Variants in GTF2A1L observed in about 807,000 individuals in gnomAD.
GTF2A1L encodes the protein TFIIA-alpha and beta-like factor.
Under a neutral mutation model 49.7 loss-of-function variants are expected in GTF2A1L, and 48 were observed. The ratio of observed to expected loss-of-function variants is 0.97; its 90% CI spans 0.77 to 1.23. The LOEUF (loss-of-function observed/expected upper bound fraction) is 1.23. GTF2A1L is among the 50% of genes most tolerant of loss of function. The pLI, the probability that GTF2A1L is intolerant of heterozygous loss-of-function variation, is 0.00. For synonymous variants in GTF2A1L, 246 were observed against 193.5 expected (o/e 1.27, Z -2.25); for missense variants, 736 against 564.8 (o/e 1.30, Z -3.07).
chr2:48,665,164 C>T (rs567116681), intron 6 of GTF2A1L, among the ~76,000 whole-genome samples: 6 of 152,206 alleles, frequency 3.9e-5, no homozygotes, highest in African/African-American at 1.2e-4. Flanking sequence ...TCAAGTGATC[C>T]GCCTGCCTTG....
intron 3 of GTF2A1L, among the ~76,000 whole-genome samples, chr2:48,623,803 C>T (rs1030681319): frequency 6.6e-6 from 1 of 152,108 alleles, no homozygotes; most frequent in African/African-American, 2.4e-5. Context: ...AGTGAATTAA[C>T]ACAGGAACAG....
At chr2:48,645,901 G>C (rs1476871094) in intron 5 of GTF2A1L, among the ~76,000 whole-genome samples, 3 of 150,594 alleles carry the variant, frequency 2.0e-5, no homozygotes, top group Admixed American at 2.0e-4. Context: ...ACCTGCCTTG[G>C]CCTCCCAAAG....
chr2:48,656,361 T>TGG (rs1558750633), intron 6 of GTF2A1L, among the ~76,000 whole-genome samples: 27 of 141,412 alleles, frequency 1.9e-4, no homozygotes, highest in Non-Finnish European at 4.0e-4. Flanking sequence ...TTTTTTTTTT[T>TGG]TTTTTTTTTT....
chr2:48,648,106 A>C (rs1479902450), intron 6 of GTF2A1L, among the ~76,000 whole-genome samples: 1 of 152,118 alleles, frequency 6.6e-6, no homozygotes, highest in Non-Finnish European at 1.5e-5. Context: ...TGACAATCAG[A>C]AACTATTTGG....
rs775735154 is a variant in GTF2A1L, at chr2:48,620,951, A to G, written c.122A>G (p.Gln41Arg). The G allele has an allele frequency of 2.5e-6, 4 of 1,594,826 alleles. No homozygotes were observed. The highest frequency in any genetic ancestry group is 3.4e-6 in the Non-Finnish European group (4 of 1,174,498). Residue 41 changes from glutamine (Q) to arginine (R), a missense_variant and splice_region_variant, in exon 2 of 9, where the codon CAG becomes CGG. Coordinates refer to ENST00000403751, the MANE Select transcript of GTF2A1L (RefSeq NM_006872.5). Reference sequence around the variant, plus strand: ...GAACAAGTTTTAAAAGACTTGAAGCAGGTTTGTAGCCGATACAACTTTTTC... The same window carrying G: ...GAACAAGTTTTAAAAGACTTGAAGCGGGTTTGTAGCCGATACAACTTTTTC... ...IEEQVLKDLK[Q>R]LWETKVLQSK...
At chr2:48,637,720 C>T (rs1275234185) in intron 3 of GTF2A1L, among the ~76,000 whole-genome samples, 1 of 152,068 alleles carries the variant, frequency 6.6e-6, no homozygotes, top group Non-Finnish European at 1.5e-5. Context: ...GATAGATAGG[C>T]TGCTGGCTAG....
Position 48,642,401 on chromosome 2 carries a change from G to C in GTF2A1L, c.248-1G>C, listed in dbSNP as rs1205578360. On this transcript the variant is annotated splice_acceptor_variant, in intron 3 of 8. Coordinates refer to ENST00000403751, the MANE Select transcript of GTF2A1L (RefSeq NM_006872.5). LOFTEE classifies it high-confidence loss of function. ...GTATATTTATTTTGTTTCCTATGCAGCATCATTAGTTATTCCTGCTGGTAG... is the reference window on the plus strand; with the variant it reads ...GTATATTTATTTTGTTTCCTATGCACCATCATTAGTTATTCCTGCTGGTAG... The C allele has an allele frequency of 6.3e-7, 1 of 1,586,652 alleles. No homozygotes were observed. The highest frequency in any genetic ancestry group is 1.2e-5 in the South Asian group (1 of 85,688).
At chr2:48,672,107 A>G (rs1445183256) in intron 8 of GTF2A1L, among the ~76,000 whole-genome samples, 1 of 152,228 alleles carries the variant, frequency 6.6e-6, no homozygotes, top group Non-Finnish European at 1.5e-5. Context: ...GTAAGAAATC[A>G]TTTGTAGTTG....
intron 6 of GTF2A1L, among the ~76,000 whole-genome samples, chr2:48,651,436 C>CT (rs397984530): frequency 0.19 from 24,720 of 130,784 alleles, 3,010 homozygotes; most frequent in African/African-American, 0.36. Flanking sequence ...GTTGTGAGTT[C>CT]TTTTTTTTTT....
intron 6 of GTF2A1L, among the ~76,000 whole-genome samples, chr2:48,649,150 C>T (rs911448545): frequency 8.5e-5 from 13 of 152,120 alleles, no homozygotes; most frequent in Non-Finnish European, 1.5e-5. Context: ...GAATTTGACT[C>T]TTCTAGGTAC....
intron 3 of GTF2A1L, among the ~76,000 whole-genome samples, chr2:48,635,417 C>G (rs770064590): frequency 2.6e-4 from 39 of 151,998 alleles, no homozygotes; most frequent in Non-Finnish European, 4.7e-4. Context: ...AGCAGGTGCC[C>G]TGAATGCCTG....
intron 3 of GTF2A1L, among the ~76,000 whole-genome samples, chr2:48,635,596 C>T (rs915424119): frequency 2.0e-5 from 3 of 152,096 alleles, no homozygotes; most frequent in African/African-American, 7.2e-5. Context: ...AGCTCTCCTC[C>T]CACTCCAGGC....
At chr2:48,660,315 G>A (rs1678419582) in intron 6 of GTF2A1L, among the ~76,000 whole-genome samples, 1 of 152,010 alleles carries the variant, frequency 6.6e-6, no homozygotes, top group Non-Finnish European at 1.5e-5. Context: ...GAGATATTTT[G>A]TTCTTCCATT....
intron 3 of GTF2A1L, among the ~76,000 whole-genome samples, chr2:48,623,881 G>T (rs1676151292): frequency 1.3e-5 from 2 of 152,252 alleles, no homozygotes; most frequent in South Asian, 4.1e-4. Flanking sequence ...AGACAGAAAG[G>T]TGCGAACACT....
At chr2:48,631,337 C>T (rs1676558777) in intron 3 of GTF2A1L, among the ~76,000 whole-genome samples, 1 of 152,014 alleles carries the variant, frequency 6.6e-6, no homozygotes, top group Admixed American at 6.6e-5. Context: ...TTAATTTCTT[C>T]CTGATTCAAT....
chr2:48,635,319 C>T (rs1676825891), intron 3 of GTF2A1L, among the ~76,000 whole-genome samples: 2 of 147,816 alleles, frequency 1.4e-5, no homozygotes, highest in African/African-American at 2.5e-5. Flanking sequence ...AAGGTCTAGA[C>T]ATCTGCCTGG....
intron 2 of GTF2A1L, 51 bp downstream of exon 2, chr2:48,621,003 C>A: frequency 6.4e-7 from 1 of 1,559,624 alleles, no homozygotes; most frequent in Non-Finnish European, 8.7e-7. Flanking sequence ...TTTTTTTCAG[C>A]ATACAAAACT....
At chr2:48,656,339 T>A (rs7422116) in intron 6 of GTF2A1L, among the ~76,000 whole-genome samples, 61,803 of 142,582 alleles carry the variant, frequency 0.43, 14,251 homozygotes, top group East Asian at 0.67. Context: ...CCACCAACGC[T>A]TATTTTCTGT....
At chr2:48,656,647 C>T (rs1678193519) in intron 6 of GTF2A1L, among the ~76,000 whole-genome samples, 1 of 151,874 alleles carries the variant, frequency 6.6e-6, no homozygotes, top group Non-Finnish European at 1.5e-5. Flanking sequence ...TTATGGGTTG[C>T]CTTTACTCTC....
Sources: allele counts gnomAD v4.1 joint callset (sites outside exome capture counted in the v4.1 genomes callset), GRCh38; gene constraint gnomAD v4.1.1; transcripts MANE v1.5; gene names NCBI Gene and HGNC (gene_info 2026-07-23, HGNC 2026-07-21).